Variants in PPFIA2 observed in about 807,000 individuals in gnomAD.
PPFIA2 encodes liprin-alpha-2.
Under a neutral mutation model 175.5 loss-of-function variants are expected in PPFIA2, and 46 were observed. The observed-to-expected ratio is 0.26, with a 90% CI of 0.21 to 0.34. PPFIA2 has a LOEUF of 0.34. Among genes scored for constraint, PPFIA2 ranks in the 10% least tolerant of loss-of-function variants. PPFIA2 has a pLI of 1.00. For synonymous variants in PPFIA2, 568 were observed against 511.4 expected, an observed-to-expected ratio of 1.11 and a Z score of -1.49; for missense variants, 1,179 against 1,506.1, an observed-to-expected ratio of 0.78 and a Z score of 3.60.
chr12:81,376,378 A>T (rs2036360640), intron 9 of PPFIA2, among the ~76,000 whole-genome samples: 1 of 151,846 alleles, frequency 6.6e-6, no homozygotes, highest in Admixed American at 6.6e-5. Context: ...TCTTACCTTT[A>T]CATTAAGAAA....
At chr12:81,662,526 C>A (rs1337277522) in intron 4 of PPFIA2, among the ~76,000 whole-genome samples, 1 of 151,980 alleles carries the variant, frequency 6.6e-6, no homozygotes, top group African/African-American at 2.4e-5. Context: ...CTGAATAGAC[C>A]AATAACAGGC....
At chr12:81,490,827 C>T (rs146801101) in intron 4 of PPFIA2, among the ~76,000 whole-genome samples, 229 of 151,982 alleles carry the variant, frequency 1.5e-3, no homozygotes, top group African/African-American at 5.4e-3. Flanking sequence ...ATAGATTTTC[C>T]TCCTGTTTAA....
chr12:81,647,111 T>C (rs1362220660), intron 4 of PPFIA2, among the ~76,000 whole-genome samples: 1 of 151,896 alleles, frequency 6.6e-6, no homozygotes, highest in Non-Finnish European at 1.5e-5. Flanking sequence ...CAACACAAAT[T>C]TGGAAACTAT....
At chr12:81,398,579 G>A (rs1215289338) in intron 8 of PPFIA2, among the ~76,000 whole-genome samples, 1 of 151,842 alleles carries the variant, frequency 6.6e-6, no homozygotes, top group African/African-American at 2.4e-5. Flanking sequence ...AACCTCACAG[G>A]GTTGTTGTTA....
In PPFIA2 at chr12:81,721,748, TATC is replaced by T. The variant is rs145329642; in HGVS notation, c.249+32222_249+32224del. ...TCATAATTTCATGACAGAGCACTGA[TATC>T]ATAGCAGCCACACATTTTTTAGTCA... On this transcript the variant is annotated intron_variant, in intron 3 of 32. Transcript: ENST00000549396. 7.2e-3 allele frequency among the ~76,000 whole-genome samples: 1,086 copies of T among 151,366 alleles called. 21 individuals carry two copies. The highest frequency in any genetic ancestry group is 0.025 in the African/African-American group (1,033 of 41,438).
At chr12:81,434,923 C>T (rs1005144624) in intron 7 of PPFIA2, among the ~76,000 whole-genome samples, 10 of 151,922 alleles carry the variant, frequency 6.6e-5, no homozygotes, top group African/African-American at 9.7e-5. Flanking sequence ...AACAGTTTGG[C>T]ACTTATATCT....
chr12:81,559,233 C>A (rs1220285864), intron 4 of PPFIA2, among the ~76,000 whole-genome samples: 3 of 152,084 alleles, frequency 2.0e-5, no homozygotes, highest in Non-Finnish European at 4.4e-5. Context: ...GGTTAAAGGA[C>A]CTTGATGCTC....
chr12:81,466,580 C>T, intron 4 of PPFIA2, among the ~76,000 whole-genome samples: 1 of 152,088 alleles, frequency 6.6e-6, no homozygotes, highest in East Asian at 1.9e-4. Context: ...GCTTTGTGGA[C>T]ACCAATTTCT....
intron 4 of PPFIA2, among the ~76,000 whole-genome samples, chr12:81,515,971 A>AT (rs368297217): frequency 0.4 from 60,197 of 149,300 alleles, 12,571 homozygotes; most frequent in East Asian, 0.55. Context: ...AGCATGCCAA[A>AT]TTTTTTTTTT....
Position 81,374,747 on chromosome 12 carries a change from A to G in PPFIA2, c.1153T>C (p.Leu385=), listed in dbSNP as rs758839661. The G allele has an allele frequency of 1.2e-6, 2 of 1,612,902 alleles. No individual in the cohort carries two copies. Among genetic ancestry groups the G allele is most frequent in the East Asian group, 4.5e-5 (2 of 44,776 alleles). The part of the protein sequence containing the change: ...LRQMEEKNRQ[L]QERLELAEQK... ...TCAGCTAGCTCAAGACGTTCTTGTA[A>G]CTGTCTGTTTTTCTCTTCCATCTGA... Residue 385 remains leucine, a synonymous_variant, in exon 11 of 33, where the codon TTA becomes CTA. Transcript: ENST00000549396.
At chr12:81,329,993 C>A (rs2055765162) in intron 21 of PPFIA2, among the ~76,000 whole-genome samples, 1 of 152,140 alleles carries the variant, frequency 6.6e-6, no homozygotes, top group African/African-American at 2.4e-5. Context: ...TGCGAAGGCT[C>A]AGGGCTCAGG....
chr12:81,702,535 G>A (rs2076620525), intron 3 of PPFIA2, among the ~76,000 whole-genome samples: 1 of 152,114 alleles, frequency 6.6e-6, no homozygotes, highest in Non-Finnish European at 1.5e-5. Flanking sequence ...CAGTGGCGTT[G>A]ATGATCACAG....
At chr12:81,396,474 GA>G (rs2041156163) in intron 8 of PPFIA2, among the ~76,000 whole-genome samples, 1 of 152,044 alleles carries the variant, frequency 6.6e-6, no homozygotes, top group Non-Finnish European at 1.5e-5. Flanking sequence ...AAGGAAAGAG[GA>G]AATCAAAAGT....
rs759264134 is a variant in PPFIA2, at chr12:81,358,176, C to A, written c.1679G>T (p.Gly560Val). 1 of 1,595,162 alleles carries A rather than the reference C, an allele frequency of 6.3e-7. No individual in the cohort carries two copies. Among genetic ancestry groups the A allele is most frequent in the South Asian group, 1.1e-5 (1 of 87,818 alleles). ...ATCAGACTGGCTGTCCACTAGGGAT[C>A]CCACTGAGTACCGCAACTCAGCTGA... ...DTSAELRYSV[G>V]SLVDSQSDYR... The change falls in exon 16 of 33, where the codon GGA becomes GTA. Residue 560 changes from glycine (G) to valine (V), a missense_variant. By Grantham distance (109) the Gly-to-Val change is moderately radical. Transcript: ENST00000549396.
chr12:81,317,240 T>A (rs2052593562), intron 22 of PPFIA2, among the ~76,000 whole-genome samples: 1 of 151,308 alleles, frequency 6.6e-6, no homozygotes, highest in Non-Finnish European at 1.5e-5. Flanking sequence ...GACCATGAAG[T>A]GCAAGATGGG....
intron 22 of PPFIA2, among the ~76,000 whole-genome samples, chr12:81,303,453 T>G (rs2048369750): frequency 6.6e-6 from 1 of 152,110 alleles, no homozygotes; most frequent in Non-Finnish European, 1.5e-5. Context: ...ATCACTTGGG[T>G]CAAAACACAA....
At chr12:81,270,467 C>A (rs2038757655) in intron 28 of PPFIA2, among the ~76,000 whole-genome samples, 1 of 152,064 alleles carries the variant, frequency 6.6e-6, no homozygotes, top group African/African-American at 2.4e-5. Context: ...AGAGTGGGCC[C>A]AAATTCAATG....
intron 20 of PPFIA2, 127 bp downstream of exon 20, chr12:81,340,951 A>G: frequency 1.9e-6 from 2 of 1,036,976 alleles, no homozygotes; most frequent in Non-Finnish European, 2.6e-6. Flanking sequence ...GATACTGGGA[A>G]AGGGAAGCTG....
chr12:81,386,315 AT>A lies in PPFIA2; in HGVS notation c.763-2072del, dbSNP rs1371348655. On this transcript the variant is annotated intron_variant, in intron 8 of 32. Coordinates refer to ENST00000549396, the MANE Select transcript of PPFIA2 (RefSeq NM_003625.5). ...AATAAATAAATAAATAAATAAATAAATAAATAAGAAAAGAAAAGAAAGTATG... is the reference window on the plus strand; with the variant it reads ...AATAAATAAATAAATAAATAAATAAAAAATAAGAAAAGAAAAGAAAGTATG... Among the ~76,000 whole-genome samples the A allele has an allele frequency of 6.3e-4, 86 of 137,318 alleles. 1 individual carries two copies. The highest frequency in any genetic ancestry group is 2.1e-3 in the Admixed American group (28 of 13,552). The allele number at this position is 137,318 out of a possible 152,430, so 90.1% of individuals were successfully genotyped here.
Sources: allele counts gnomAD v4.1 joint callset (sites outside exome capture counted in the v4.1 genomes callset), GRCh38; gene constraint gnomAD v4.1.1; transcripts MANE v1.5; gene names NCBI Gene and HGNC (gene_info 2026-07-23, HGNC 2026-07-21).